Variants in ARFGEF3 observed in about 807,000 individuals in gnomAD.
The protein encoded by ARFGEF3 is brefeldin A-inhibited guanine nucleotide-exchange protein 3.
ARFGEF3 carries 96 observed loss-of-function variants against 221.7 expected under a neutral mutation model. The observed-to-expected ratio is 0.43, with a 90% confidence interval of 0.37 to 0.51. ARFGEF3 has a LOEUF of 0.51. Among genes scored for constraint, ARFGEF3 ranks in the 20% least tolerant of loss-of-function variants. The probability of loss-of-function intolerance (pLI) is 0.00; values close to 1 mark genes in which losing one functional copy is unlikely to be tolerated. For missense variants in ARFGEF3, 2,410 were observed against 2,789.9 expected (o/e 0.86, Z 3.07); for synonymous variants, 1,145 against 1,126.8 (o/e 1.02, Z -0.32).
intron 2 of ARFGEF3, among the ~76,000 whole-genome samples, chr6:138,199,819 A>G (rs957938445): frequency 3.3e-5 from 5 of 152,170 alleles, no homozygotes; most frequent in Admixed American, 6.5e-5. Flanking sequence ...TACCATCAGC[A>G]AACAGGGACA....
At chr6:138,323,373 A>T (rs1275868953) in intron 29 of ARFGEF3, among the ~76,000 whole-genome samples, 1 of 152,140 alleles carries the variant, frequency 6.6e-6, no homozygotes, top group Non-Finnish European at 1.5e-5. Context: ...GCACGTTGGG[A>T]GGCCGAGGTG....
intron 4 of ARFGEF3, chr6:138,218,256 G>A (rs966733370): frequency 6.2e-7 from 1 of 1,611,158 alleles, no homozygotes; most frequent in Non-Finnish European, 8.5e-7. Context: ...GTAGCAGAAT[G>A]GTAAGAGCAC....
rs1303969958 is a variant in ARFGEF3 at position 138,286,801 on chromosome 6, G to T, written c.2670G>T (p.Gly890=). The T allele has an allele frequency of 6.2e-7, 1 of 1,614,052 alleles. No homozygotes were observed. Among genetic ancestry groups the T allele is most frequent in the Non-Finnish European group, 8.5e-7 (1 of 1,179,898 alleles). ...GTCGAATGGCGGGGAGCTCCAAAGG[G>T]CTGGCCTTCATTCTGGGAGCTGAAG... is the stretch of plus-strand genomic sequence containing the variant. ...LTGRMAGSSK[G]LAFILGAEGI... Residue 890 remains glycine, a synonymous_variant, in exon 16 of 34, where the codon GGG becomes GGT. Coordinates refer to ENST00000251691, the MANE Select transcript of ARFGEF3 (RefSeq NM_020340.5).
chr6:138,336,213 T>A, intron 33 of ARFGEF3, 82 bp from the exon 34 acceptor site: 4 of 1,108,782 alleles, frequency 3.6e-6, no homozygotes, highest in Non-Finnish European at 5.0e-6. Flanking sequence ...AAAAACCATT[T>A]CCACATTGGC....
Position 138,278,605 on chromosome 6 carries a change from G to A in ARFGEF3, c.2283G>A (p.Ala761=), listed in dbSNP as rs111857517. The A allele has an allele frequency of 3.5e-5, 57 of 1,613,790 alleles. No homozygotes were observed. The highest frequency in any genetic ancestry group is 2.0e-4 in the African/African-American group (15 of 75,040). Residue 761 remains alanine, a synonymous_variant, in exon 13 of 34, where the codon GCG becomes GCA. Transcript: ENST00000251691. The stretch of plus-strand genomic sequence containing the variant: ...ACTACAGGAAGCGGCCGACCCTGGC[G>A]CCAGGCGTGATGGTGAGTGTGCCGT... ...GDYYRKRPTL[A]PGVMKDFMKQ... is the part of the protein sequence containing the mutation.
chr6:138,202,116 C>CCT, intron 2 of ARFGEF3, among the ~76,000 whole-genome samples: 1 of 152,338 alleles, frequency 6.6e-6, no homozygotes, highest in African/African-American at 2.4e-5. Flanking sequence ...CTGGGGGCCA[C>CCT]TGCCTTTATT....
rs1477472136 is a variant in ARFGEF3, at chr6:138,334,684, G to C, written c.5838G>C (p.Glu1946Asp). The C allele has an allele frequency of 6.2e-7, 1 of 1,612,168 alleles. No homozygotes were observed. Among genetic ancestry groups the C allele is most frequent in the Admixed American group, 1.7e-5 (1 of 59,994 alleles). The change falls in exon 33 of 34, where the codon GAG becomes GAC. Residue 1946 changes from glutamate (E) to aspartate (D), a missense_variant. Physicochemically the swap from Glu to Asp is conservative, Grantham distance 45. Around this residue, in one of 5 missense-constraint regions of ARFGEF3, gnomAD observed 339 missense variants for 334.9 expected, o/e 1.01. Coordinates refer to ENST00000251691, the MANE Select transcript of ARFGEF3 (RefSeq NM_020340.5). This position sits in a 1 kb window ranked among gnomAD's most constrained non-coding sequence, Gnocchi z 5.1. ...PFFILPSFQS[E>D]SSTPSTGGFS... ...TCATCCTGCCCTCCTTCCAGTCCGA[G>C]TCATCCACCCCATCCACCGGGGGCT...
rs1466269279 is a variant in ARFGEF3 at position 138,311,518 on chromosome 6, A to G, written c.4200+8A>G. Reference sequence around the variant, plus strand: ...CTCAGGCGCTGCTCTCAGGTAGGGGAATGGTCCAGCTGGGCTCCCGGCCTG... The same window carrying G: ...CTCAGGCGCTGCTCTCAGGTAGGGGGATGGTCCAGCTGGGCTCCCGGCCTG... On this transcript the variant is annotated splice_region_variant and intron_variant, in intron 25 of 33. Coordinates refer to ENST00000251691, the MANE Select transcript of ARFGEF3 (RefSeq NM_020340.5). 1.9e-6 allele frequency: 3 copies of G among 1,576,364 alleles called. No individual in the cohort carries two copies. The highest frequency in any genetic ancestry group is 3.6e-5 in the Admixed American group (2 of 55,250).
At chr6:138,261,452 G>A in intron 10 of ARFGEF3, 75 bp from the exon 11 acceptor site, 2 of 821,524 alleles carry the variant, frequency 2.4e-6, no homozygotes, top group Non-Finnish European at 3.8e-6. Flanking sequence ...ATGTTTTTTT[G>A]ATCTCACAAT....
At chr6:138,311,272 C>A in intron 24 of ARFGEF3, 135 bp from the exon 25 acceptor site, 1 of 610,438 alleles carries the variant, frequency 1.6e-6, no homozygotes, top group Non-Finnish European at 2.9e-6. Context: ...AATTTGGAGT[C>A]ATTTTTCTCC....
Position 138,226,726 on chromosome 6 carries a change from A to C in ARFGEF3, c.352-3058A>C, listed in dbSNP as rs140195977. Among the ~76,000 whole-genome samples the C allele has an allele frequency of 2.3e-4, 35 of 152,312 alleles. No homozygotes were observed. In the East Asian group the frequency reaches 5.6e-3, roughly 24 times the overall value. ...TTGTTGCCCTCTCATTATGCAATGG[A>C]AGTCAGATGATTTCAATTTGTTATT... is the stretch of plus-strand genomic sequence containing the variant. On this transcript the variant is annotated intron_variant, in intron 4 of 33. Transcript: ENST00000251691.
intron 1 of ARFGEF3, among the ~76,000 whole-genome samples, chr6:138,169,057 G>A (rs1249352565): frequency 6.6e-6 from 1 of 152,194 alleles, no homozygotes; most frequent in African/African-American, 2.4e-5. Context: ...AAGCATCCCG[G>A]GAGGAAGGTG....
intron 2 of ARFGEF3, among the ~76,000 whole-genome samples, chr6:138,200,380 A>G (rs1777512185): frequency 6.6e-6 from 1 of 152,200 alleles, no homozygotes; most frequent in East Asian, 1.9e-4. Context: ...AACACTAAGC[A>G]AAAAGAACAA....
intron 2 of ARFGEF3, among the ~76,000 whole-genome samples, chr6:138,194,209 G>A (rs1250621180): frequency 3.3e-5 from 5 of 151,330 alleles, no homozygotes; most frequent in African/African-American, 1.2e-4. Flanking sequence ...CAGAGGTTGC[G>A]GTGAGCCAAG....
In ARFGEF3 at chr6:138,280,031, C is replaced by G; in HGVS notation, c.2328C>G (p.Gly776=). Residue 776 remains glycine (G), a synonymous_variant, in exon 14 of 34, where the codon GGC becomes GGG. Transcript: ENST00000251691. The stretch of plus-strand genomic sequence containing the variant: ...TCATGAAGCAGGTGCAGACCAGCGG[C>G]GTGCTGATGGTCTTCTCTCAGGCCT... ...KDFMKQVQTS[G]VLMVFSQAWI... The G allele has an allele frequency of 6.2e-7, 1 of 1,613,904 alleles. No individual in the cohort carries two copies. Among genetic ancestry groups the G allele is most frequent in the South Asian group, 1.1e-5 (1 of 91,074 alleles).
At chr6:138,292,113 A>C in intron 19 of ARFGEF3, 60 bp downstream of exon 19, 2 of 1,332,470 alleles carry the variant, frequency 1.5e-6, no homozygotes, top group Non-Finnish European at 1.9e-6. Context: ...ACCCACATCC[A>C]TCTGGTTTCA....
intron 8 of ARFGEF3, among the ~76,000 whole-genome samples, chr6:138,250,417 C>A (rs1210032860): frequency 1.3e-5 from 2 of 152,220 alleles, no homozygotes; most frequent in Non-Finnish European, 2.9e-5. Flanking sequence ...TCTCTCTCCT[C>A]CTAGAACAGA....
intron 20 of ARFGEF3, among the ~76,000 whole-genome samples, chr6:138,296,509 C>T (rs559380234): frequency 6.6e-6 from 1 of 152,242 alleles, no homozygotes; most frequent in South Asian, 2.1e-4. Flanking sequence ...CGAATCCAGA[C>T]GGTCGGACTT....
rs142556961 is a variant in ARFGEF3 at position 138,336,769 on chromosome 6, T to A, written c.*283T>A. 339 of 227,022 alleles carry A rather than the reference T, an allele frequency of 1.5e-3. 8 individuals are homozygous for A. The Admixed American group carries it at 0.017, about 11-fold the overall frequency. 14.1% of individuals were successfully genotyped at this position (227,022 alleles called of 1,614,324 possible). On this transcript the variant is annotated 3_prime_UTR_variant, in exon 34 of 34. Transcript: ENST00000251691. ...CTAACTCTTGAAGTATATTTCCCAG[T>A]GCTTTTGCTTACAGTGTTGTCCCCA...
Sources: gnomAD v4.1 joint callset for allele counts (sites outside exome capture counted in the v4.1 genomes callset) on GRCh38, gnomAD v4.1.1 for gene constraint, gnomAD v4.1.1 regional missense constraint, Gnocchi (gnomAD v3.1) non-coding constraint, MANE v1.5 for transcripts, NCBI Gene and HGNC (gene_info 2026-07-23, HGNC 2026-07-21) for gene names.